The following RNF145 variants were observed in gnomAD, a reference collection of about 807,000 sequenced individuals.
RNF145 encodes the protein ring finger protein 145.
RNF145 carries 12 observed loss-of-function variants against 57.3 expected under a neutral mutation model. The observed-to-expected ratio is 0.21, with a 90% CI of 0.13 to 0.34. The LOEUF (loss-of-function observed/expected upper bound fraction) is 0.34, where lower values mean the gene tolerates loss of function less well. Among genes scored for constraint, RNF145 ranks in the 10% least tolerant of loss-of-function variants. The pLI is 1.00. For synonymous variants in RNF145, 262 were observed against 288.3 expected (o/e 0.91, Z 0.92); for missense variants, 429 against 799.0 (o/e 0.54, Z 5.58).
chr5:159,159,658 T>C (rs923461884), intron 10 of RNF145, among the ~76,000 whole-genome samples: 2 of 152,232 alleles, frequency 1.3e-5, no homozygotes, highest in Non-Finnish European at 2.9e-5. Context: ...AAGTGGGATA[T>C]GTAACGATGG....
chr5:159,187,056 G>T (rs111956043), intron 3 of RNF145, among the ~76,000 whole-genome samples: 74 of 151,792 alleles, frequency 4.9e-4, no homozygotes, highest in African/African-American at 1.8e-3. Context: ...CAAGGTGGGC[G>T]GATCACCTGA....
rs527649028 is a variant in RNF145, at chr5:159,186,531, T to G, written c.294-4480A>C. 2.6e-5 allele frequency among the ~76,000 whole-genome samples: 4 copies of G among 152,312 alleles called. No homozygotes were observed. In the East Asian group the frequency reaches 7.7e-4, roughly 29 times the overall value. Reference sequence around the variant, plus strand: ...AAAAGAGGTGTGCCAAGTTATCTTTTGCAATATGGGCAACAAGAAGCACCA... The same window carrying G: ...AAAAGAGGTGTGCCAAGTTATCTTTGGCAATATGGGCAACAAGAAGCACCA... On this transcript the variant is annotated intron_variant, in intron 3 of 10. Coordinates refer to ENST00000424310, the MANE Select transcript of RNF145 (RefSeq NM_001199383.2).
At chr5:159,187,117 C>A (rs1785093825) in intron 3 of RNF145, among the ~76,000 whole-genome samples, 1 of 150,982 alleles carries the variant, frequency 6.6e-6, no homozygotes, top group African/African-American at 2.4e-5. Context: ...CCTGTCTATA[C>A]TAAAAATACA....
At chr5:159,167,424 T>C (rs1784423353) in intron 8 of RNF145, among the ~76,000 whole-genome samples, 1 of 152,224 alleles carries the variant, frequency 6.6e-6, no homozygotes, top group African/African-American at 2.4e-5. Flanking sequence ...AAGCCAGTAG[T>C]GAGGATAGTT....
intron 5 of RNF145, among the ~76,000 whole-genome samples, chr5:159,174,784 TAA>T (rs369542508): frequency 7.0e-6 from 1 of 143,814 alleles, no homozygotes; most frequent in African/African-American, 2.6e-5. Context: ...GGATATATCT[TAA>T]AAAAAAAAAA....
chr5:159,183,621 A>G (rs1442599515), intron 3 of RNF145, among the ~76,000 whole-genome samples: 1 of 152,238 alleles, frequency 6.6e-6, no homozygotes, highest in African/African-American at 2.4e-5. Flanking sequence ...AATAGTATTA[A>G]TACAAAGTAT....
upstream of RNF145, chr5:159,209,838 C>A: frequency 6.5e-7 from 1 of 1,535,714 alleles, no homozygotes; most frequent in Non-Finnish European, 8.7e-7. Context: ...CGCAAGCGCT[C>A]ACACCCACAC....
At chr5:159,174,179 G>A (rs773178061) in intron 5 of RNF145, 21 bp from the exon 6 acceptor site, 1 of 1,558,854 alleles carries the variant, frequency 6.4e-7, no homozygotes, top group South Asian at 1.2e-5. Flanking sequence ...ACGTAAGATA[G>A]GAAAACTTCT....
chr5:159,208,218 A>G (rs1785970443), intron 1 of RNF145: 1 of 1,273,918 alleles, frequency 7.8e-7, no homozygotes, highest in Admixed American at 3.4e-5. Context: ...CAGTAGCAGC[A>G]GCAACCGGGC....
At chr5:159,184,107 CAGA>C (rs1385963879) in intron 3 of RNF145, among the ~76,000 whole-genome samples, 2 of 152,138 alleles carry the variant, frequency 1.3e-5, no homozygotes, top group Non-Finnish European at 2.9e-5. Flanking sequence ...CAAGAAAAGA[CAGA>C]AGAATTGAGG....
chr5:159,209,975 G>A (rs1487170887), upstream of RNF145: 134 of 1,416,572 alleles, frequency 9.5e-5, no homozygotes, highest in East Asian at 3.2e-3. Context: ...ACTCCTTGGC[G>A]TCTGGGATGG....
At chr5:159,187,352 T>C (rs1347156573) in intron 3 of RNF145, among the ~76,000 whole-genome samples, 1 of 151,798 alleles carries the variant, frequency 6.6e-6, no homozygotes, top group East Asian at 1.9e-4. Flanking sequence ...TTTTTTGAGA[T>C]AGTCTCACAC....
intron 8 of RNF145, 65 bp from the exon 9 acceptor site, chr5:159,163,144 G>A (rs1784285213): frequency 1.4e-6 from 2 of 1,402,794 alleles, no homozygotes. Flanking sequence ...ACTCACATCA[G>A]CAGCTAACAT....
intron 8 of RNF145, 24 bp from the exon 9 acceptor site, chr5:159,163,103 T>C (rs1562046881): frequency 6.3e-7 from 1 of 1,575,304 alleles, no homozygotes; most frequent in Non-Finnish European, 8.6e-7. Context: ...AAATTATTCT[T>C]TTTAAGTGCC....
Position 159,169,672 on chromosome 5 carries a change from A to T in RNF145, c.938+7T>A. On this transcript the variant is annotated splice_region_variant and intron_variant, in intron 7 of 10. Transcript: ENST00000424310. ...CATTTCTAGATATAATCAAGGAAAG[A>T]ACTTACCGATTCATGGCAGGATCAT... 6.3e-7 allele frequency: 1 copy of T among 1,589,762 alleles called. No individual in the cohort carries two copies. The highest frequency in any genetic ancestry group is 8.5e-7 in the Non-Finnish European group (1 of 1,172,316).
rs1298882720 is a variant in RNF145 at position 159,200,168 on chromosome 5, A to T, written c.184+3266T>A. 2.6e-5 allele frequency among the ~76,000 whole-genome samples: 4 copies of T among 152,036 alleles called. No individual in the cohort carries two copies. In the East Asian group the frequency reaches 5.8e-4, roughly 22 times the overall value. ...TTAGTAATAATGCAATCTAAATTTT[A>T]AAAAAAATCAAATGGGTTGCTTTGT... On this transcript the variant is annotated intron_variant, in intron 2 of 10. Coordinates refer to ENST00000424310, the MANE Select transcript of RNF145 (RefSeq NM_001199383.2).
chr5:159,204,379 T>C (rs1412526869), intron 1 of RNF145, among the ~76,000 whole-genome samples: 3 of 144,416 alleles, frequency 2.1e-5, no homozygotes, highest in Admixed American at 6.9e-5. Flanking sequence ...CAGACCATGA[T>C]AAGTAGTGGG....
upstream of RNF145, chr5:159,209,820 C>A (rs1421341979): frequency 2.6e-6 from 4 of 1,533,846 alleles, no homozygotes; most frequent in Middle Eastern, 3.4e-4. Context: ...CTCCCAAACA[C>A]CACGGGCCGC....
chr5:159,204,978 AT>A (rs1785822253), intron 1 of RNF145, among the ~76,000 whole-genome samples: 1 of 152,114 alleles, frequency 6.6e-6, no homozygotes, highest in Non-Finnish European at 1.5e-5. Context: ...AAACGAAAAC[AT>A]TTATTTCTGC....
Sources: allele counts gnomAD v4.1 joint callset (sites outside exome capture counted in the v4.1 genomes callset), GRCh38; gene constraint gnomAD v4.1.1; transcripts MANE v1.5; gene names NCBI Gene and HGNC (gene_info 2026-07-23, HGNC 2026-07-21).